UBE2U: variants seen among roughly 807,000 people sequenced by gnomAD.
UBE2U encodes ubiquitin conjugating enzyme E2 U.
A neutral mutation model predicts 41.2 loss-of-function variants in UBE2U; 39 were observed. That is an observed-to-expected ratio of 0.95 (90% CI 0.73 to 1.24). The LOEUF (loss-of-function observed/expected upper bound fraction) is 1.24, where lower values mean the gene tolerates loss of function less well. Ranked by LOEUF, UBE2U falls within the 50% of genes most tolerant of loss-of-function variation. UBE2U has a pLI of 0.00. For missense variants in UBE2U, 336 were observed against 363.1 expected (o/e 0.93, Z 0.61); for synonymous variants, 107 against 117.8 (o/e 0.91, Z 0.60).
intron 6 of UBE2U, among the ~76,000 whole-genome samples, chr1:64,231,959 A>G (rs1644576087): frequency 6.6e-6 from 1 of 152,240 alleles, no homozygotes; most frequent in African/African-American, 2.4e-5. Context: ...ACTGCTTTAT[A>G]GTTTTCATTT....
At position 64,226,693 on chromosome 1, in the gene UBE2U, C is replaced by G. The variant is rs567519270; in HGVS notation, c.506+5786C>G. On this transcript the variant is annotated intron_variant, in intron 6 of 9. Coordinates refer to ENST00000371077, the MANE Select transcript of UBE2U (RefSeq NM_001366232.2). ...AAAGAAGAAAAAGATATTCAATTAT[C>G]TTTACAACTCTCTTATATTTCTAAA... Among the ~76,000 whole-genome samples, 4 of 150,162 alleles carry G rather than the reference C, an allele frequency of 2.7e-5. No individual in the cohort carries two copies. The South Asian group carries it at 8.4e-4, about 32-fold the overall frequency.
At chr1:64,247,866 A>C (rs1644946627) in intron 8 of UBE2U, among the ~76,000 whole-genome samples, 1 of 14,288 alleles carries the variant, frequency 7.0e-5, no homozygotes, top group African/African-American at 1.4e-3. Context: ...CTGTCTCACA[A>C]AAAAAAAAAA....
At chr1:64,265,701 C>T (rs957975293) in intron 9 of UBE2U, among the ~76,000 whole-genome samples, 1 of 152,152 alleles carries the variant, frequency 6.6e-6, no homozygotes, top group Non-Finnish European at 1.5e-5. Context: ...GCCTCAGCCT[C>T]CAGAGCAGCT....
chr1:64,206,586 A>G (rs548179155), intron 2 of UBE2U, among the ~76,000 whole-genome samples, 178 bp from the exon 3 acceptor site: 2 of 151,918 alleles, frequency 1.3e-5, no homozygotes, highest in Non-Finnish European at 2.9e-5. Flanking sequence ...TATGATTATA[A>G]TAGATTGTGA....
intron 5 of UBE2U, 80 bp from the exon 6 acceptor site, chr1:64,220,779 A>G: frequency 2.0e-6 from 2 of 1,017,050 alleles, no homozygotes; most frequent in Non-Finnish European, 3.0e-6. Context: ...CATTTTATTG[A>G]GGCTTTGGAA....
At chr1:64,259,127 GA>G (rs1645142623) in intron 8 of UBE2U, among the ~76,000 whole-genome samples, 1 of 152,188 alleles carries the variant, frequency 6.6e-6, no homozygotes, top group Non-Finnish European at 1.5e-5. Flanking sequence ...CTTCTTTTGA[GA>G]AGTGTCTGTT....
chr1:64,220,733 T>C (rs965108675), intron 5 of UBE2U, 126 bp from the exon 6 acceptor site: 3 of 770,578 alleles, frequency 3.9e-6, no homozygotes, highest in African/African-American at 3.7e-5. Flanking sequence ...TTTGCTCTCC[T>C]TGAGATTTTA....
chr1:64,239,109 A>AAG (rs1491320397), intron 7 of UBE2U, among the ~76,000 whole-genome samples: 1 of 12,436 alleles, frequency 8.0e-5, no homozygotes, highest in Non-Finnish European at 1.3e-4. Context: ...GAAGAAGAAG[A>AAG]AGAAGAAGAA....
chr1:64,226,131 G>A (rs1327776097), intron 6 of UBE2U, among the ~76,000 whole-genome samples: 2 of 152,076 alleles, frequency 1.3e-5, no homozygotes, highest in African/African-American at 4.8e-5. Flanking sequence ...ATCAACAGTT[G>A]AATGCATAAA....
chr1:64,253,605 T>G (rs957096072), intron 8 of UBE2U, among the ~76,000 whole-genome samples: 2 of 152,138 alleles, frequency 1.3e-5, no homozygotes, highest in African/African-American at 2.4e-5. Flanking sequence ...TGGGGACCAA[T>G]ATTCAACATT....
intron 8 of UBE2U, among the ~76,000 whole-genome samples, chr1:64,250,985 G>T (rs975845053): frequency 6.6e-6 from 1 of 151,724 alleles, no homozygotes; most frequent in African/African-American, 2.4e-5. Flanking sequence ...AATGGGTGCA[G>T]CACACCAACA....
chr1:64,239,511 C>T, intron 7 of UBE2U, among the ~76,000 whole-genome samples: 1 of 114,316 alleles, frequency 8.7e-6, no homozygotes, highest in Non-Finnish European at 1.7e-5. Flanking sequence ...AATGCTATCC[C>T]TCCCCCCTCC....
At chr1:64,260,738 A>T in intron 9 of UBE2U, 44 bp downstream of exon 9, 1 of 1,439,410 alleles carries the variant, frequency 6.9e-7, no homozygotes, top group Non-Finnish European at 9.5e-7. Context: ...TAAATAACAT[A>T]TTATGCATAA....
At chr1:64,259,079 T>C (rs1557750379) in intron 8 of UBE2U, among the ~76,000 whole-genome samples, 1 of 152,250 alleles carries the variant, frequency 6.6e-6, no homozygotes, top group African/African-American at 2.4e-5. Context: ...CCAGTGATGA[T>C]GAGCATTTTT....
At chr1:64,224,565 A>G (rs1460285643) in intron 6 of UBE2U, among the ~76,000 whole-genome samples, 1 of 152,154 alleles carries the variant, frequency 6.6e-6, no homozygotes, top group Non-Finnish European at 1.5e-5. Context: ...TCTACTAAAA[A>G]TACAAAAATT....
chr1:64,241,870 A>C, intron 8 of UBE2U, 137 bp downstream of exon 8: 1 of 573,490 alleles, frequency 1.7e-6, no homozygotes, highest in Non-Finnish European at 3.0e-6. Flanking sequence ...TATAAGAACA[A>C]GAATAAAAGA....
intron 8 of UBE2U, among the ~76,000 whole-genome samples, chr1:64,258,673 A>C (rs1212015544): frequency 2.0e-5 from 3 of 152,158 alleles, no homozygotes; most frequent in Non-Finnish European, 4.4e-5. Context: ...ATGGTTGCAT[A>C]GTATTCCATG....
chr1:64,250,689 T>A (rs1347421434), intron 8 of UBE2U, among the ~76,000 whole-genome samples: 2 of 151,908 alleles, frequency 1.3e-5, no homozygotes, highest in African/African-American at 4.8e-5. Context: ...ATAGACTGGA[T>A]TAAGAAAATG....
At chr1:64,227,627 C>T (rs1652965180) in intron 6 of UBE2U, among the ~76,000 whole-genome samples, 1 of 151,986 alleles carries the variant, frequency 6.6e-6, no homozygotes, top group African/African-American at 2.4e-5. Context: ...CATGCAGAAA[C>T]CCTGTCTCTA....
Sources: allele counts gnomAD v4.1 joint callset (sites outside exome capture counted in the v4.1 genomes callset), GRCh38; gene constraint gnomAD v4.1.1; transcripts MANE v1.5; gene names NCBI Gene and HGNC (gene_info 2026-07-23, HGNC 2026-07-21).